HTR4: variants seen among roughly 807,000 people sequenced by gnomAD.
HTR4 encodes the protein 5-hydroxytryptamine (serotonin) receptor 4, G protein-coupled.
HTR4 carries 16 observed loss-of-function variants against 36.8 expected under a neutral mutation model. The ratio of observed to expected loss-of-function variants is 0.43; its 90% CI spans 0.29 to 0.66. The LOEUF is 0.66. HTR4 is among the 30% of genes least tolerant of loss of function. The probability of loss-of-function intolerance (pLI) is 0.13; values close to 1 mark genes in which losing one functional copy is unlikely to be tolerated. For synonymous variants in HTR4, 189 were observed against 185.1 expected (o/e 1.02, Z -0.17); for missense variants, 438 against 490.9 (o/e 0.89, Z 1.02).
At chr5:148,522,332 G>C (rs1758062028) in intron 5 of HTR4, among the ~76,000 whole-genome samples, 1 of 152,130 alleles carries the variant, frequency 6.6e-6, no homozygotes, top group Non-Finnish European at 1.5e-5. Context: ...ACCTTTTGGG[G>C]CAAATGACAT....
chr5:148,647,521 C>A (rs1753907713), intron 1 of HTR4, among the ~76,000 whole-genome samples: 2 of 152,040 alleles, frequency 1.3e-5, no homozygotes, highest in Non-Finnish European at 1.5e-5. Context: ...TTCCCTCTCC[C>A]CTTACAGGGG....
intron 5 of HTR4, among the ~76,000 whole-genome samples, chr5:148,463,970 C>A (rs1451105096): frequency 1.7e-5 from 2 of 120,436 alleles, no homozygotes; most frequent in Non-Finnish European, 3.3e-5. Flanking sequence ...GAAGCACAGG[C>A]AATACAAGGA....
chr5:148,611,694 A>C (rs1382997716), intron 2 of HTR4, among the ~76,000 whole-genome samples: 25 of 151,718 alleles, frequency 1.6e-4, no homozygotes, highest in African/African-American at 5.8e-4. Flanking sequence ...CTTTAAATGT[A>C]AATGGACTAA....
chr5:148,520,946 T>C, intron 5 of HTR4: 2 of 1,367,808 alleles, frequency 1.5e-6, no homozygotes, highest in South Asian at 1.1e-5. Context: ...GGCCCAGGCC[T>C]TGGTTTAGAC....
intron 1 of HTR4, among the ~76,000 whole-genome samples, chr5:148,639,329 C>T (rs1753652267): frequency 6.6e-6 from 1 of 152,026 alleles, no homozygotes; most frequent in South Asian, 2.1e-4. Flanking sequence ...ATCTGGCCCC[C>T]ACTCTTCTCC....
downstream of HTR4, among the ~76,000 whole-genome samples, chr5:148,473,285 G>C (rs1054303250): frequency 7.0e-6 from 1 of 142,380 alleles, no homozygotes; most frequent in African/African-American, 2.7e-5. Flanking sequence ...CTGGGCAACA[G>C]AGCGAGACTC....
At chr5:148,615,225 G>A (rs1388212446) in intron 2 of HTR4, among the ~76,000 whole-genome samples, 1 of 152,070 alleles carries the variant, frequency 6.6e-6, no homozygotes, top group African/African-American at 2.4e-5. Flanking sequence ...AAAGACACAT[G>A]CACACGTATG....
intron 2 of HTR4, among the ~76,000 whole-genome samples, chr5:148,588,690 G>A (rs1361636358): frequency 1.3e-5 from 2 of 150,452 alleles, no homozygotes; most frequent in Non-Finnish European, 3.0e-5. Context: ...ACAGGCGCCC[G>A]CCACCGCGCC....
At chr5:148,608,633 C>T (rs1752282794) in intron 2 of HTR4, among the ~76,000 whole-genome samples, 1 of 152,194 alleles carries the variant, frequency 6.6e-6, no homozygotes, top group South Asian at 2.1e-4. Flanking sequence ...TGGGGAACTA[C>T]TGAAGGCTTT....
chr5:148,559,687 G>T (rs916026656), intron 2 of HTR4, among the ~76,000 whole-genome samples: 2 of 152,100 alleles, frequency 1.3e-5, no homozygotes, highest in African/African-American at 4.8e-5. Flanking sequence ...CTTGTTCAAT[G>T]ACTGCGAGCT....
intron 2 of HTR4, among the ~76,000 whole-genome samples, chr5:148,613,933 T>C (rs1362483317): frequency 1.3e-5 from 2 of 152,120 alleles, no homozygotes; most frequent in African/African-American, 4.8e-5. Flanking sequence ...CATTCACAAT[T>C]GCTTCAAAGA....
chr5:148,484,995 AAGGAG>A (rs776155958), intron 6 of HTR4, among the ~76,000 whole-genome samples: 11 of 152,160 alleles, frequency 7.2e-5, no homozygotes, highest in Non-Finnish European at 1.6e-4. Flanking sequence ...AAAAGGAAGG[AAGGAG>A]AGAAGGAAGA....
intron 5 of HTR4, among the ~76,000 whole-genome samples, chr5:148,511,619 TTGTGTGTGTGTGTGTGTGTGTG>T: frequency 7.2e-6 from 1 of 139,348 alleles, no homozygotes; most frequent in Admixed American, 7.2e-5. Flanking sequence ...TTGTGGAAGT[TTGTGTGTGTGTGTGTGTGTGTG>T]TGTGTGTGTG....
chr5:148,483,977 ATTTG>A (rs1407545905), intron 6 of HTR4, among the ~76,000 whole-genome samples: 1 of 130,960 alleles, frequency 7.6e-6, no homozygotes, highest in East Asian at 2.3e-4. Flanking sequence ...TTATTTATTT[ATTTG>A]AGCCAAAATA....
At chr5:148,653,872 C>G (rs765203118) in intron 1 of HTR4, among the ~76,000 whole-genome samples, 190 bp downstream of exon 1, 1 of 152,144 alleles carries the variant, frequency 6.6e-6, no homozygotes, top group Non-Finnish European at 1.5e-5. Flanking sequence ...GCTGGAAACA[C>G]GTTGTATACA....
chr5:148,648,151 T>A (rs897696742), intron 1 of HTR4, among the ~76,000 whole-genome samples: 2 of 152,190 alleles, frequency 1.3e-5, no homozygotes, highest in Non-Finnish European at 2.9e-5. Context: ...CTTAAGTATC[T>A]ATTTTCATAA....
intron 1 of HTR4, among the ~76,000 whole-genome samples, chr5:148,648,929 A>C (rs1753952103): frequency 6.6e-6 from 1 of 152,090 alleles, no homozygotes; most frequent in Admixed American, 6.5e-5. Flanking sequence ...CCTTAACTCC[A>C]CTATAAAAGC....
chr5:148,487,930 G>A (rs1166842649), intron 6 of HTR4, among the ~76,000 whole-genome samples: 1 of 152,164 alleles, frequency 6.6e-6, no homozygotes, highest in Non-Finnish European at 1.5e-5. Flanking sequence ...TCACATTGAA[G>A]ATAAACAGAT....
At chr5:148,466,300 A>G (rs983766339) in intron 5 of HTR4, among the ~76,000 whole-genome samples, 2 of 152,102 alleles carry the variant, frequency 1.3e-5, no homozygotes, top group Non-Finnish European at 2.9e-5. Context: ...ATATAGTTGA[A>G]TATATATGGC....
Sources: gnomAD v4.1 joint callset for allele counts (sites outside exome capture counted in the v4.1 genomes callset) on GRCh38, gnomAD v4.1.1 for gene constraint, MANE v1.5 for transcripts, NCBI Gene and HGNC (gene_info 2026-07-23, HGNC 2026-07-21) for gene names.